Variants in FAM149A observed in about 807,000 individuals in gnomAD.
FAM149A encodes the protein family with sequence similarity 149 member A, also known as protein FAM149A.
A neutral mutation model predicts 78.2 loss-of-function variants in FAM149A; 71 were observed. The observed-to-expected ratio is 0.91, with a 90% CI of 0.75 to 1.11. FAM149A has a LOEUF of 1.11. Among genes scored for constraint, FAM149A ranks in the 50% least tolerant of loss-of-function variants. FAM149A has a pLI of 0.00. For missense variants in FAM149A, 1,036 were observed against 971.0 expected, an observed-to-expected ratio of 1.07 and a Z score of -0.89; for synonymous variants, 446 against 410.5, an observed-to-expected ratio of 1.09 and a Z score of -1.04.
intron 1 of FAM149A, chr4:186,109,900 G>T: frequency 5.1e-6 from 5 of 985,260 alleles, no homozygotes; most frequent in Non-Finnish European, 6.0e-6. Flanking sequence ...GAAGATAAGG[G>T]TTAGTTTAAT....
intron 11 of FAM149A, 62 bp downstream of exon 11, chr4:186,165,526 A>G: frequency 6.4e-7 from 1 of 1,573,994 alleles, no homozygotes; most frequent in Non-Finnish European, 8.7e-7. Flanking sequence ...AAACAAACAA[A>G]AACAACCTTG....
Position 186,152,515 on chromosome 4 carries a change from A to T in FAM149A, c.932+470A>T, listed in dbSNP as rs917943026. ...GATGGAGAATATGGATTGGGTATGA[A>T]GGCAAGCTTTTCTTTTCTTTTTGCT... is the stretch of plus-strand genomic sequence containing the variant. On this transcript the variant is annotated intron_variant, in intron 4 of 13. Transcript: ENST00000389354. Among the ~76,000 whole-genome samples the T allele has an allele frequency of 5.3e-5, 8 of 149,976 alleles. 1 individual carries two copies. Among genetic ancestry groups the T allele is most frequent in the Admixed American group, 3.3e-4 (5 of 15,066 alleles).
chr4:186,160,201 ACACACACACCACTCAC>A (rs1256882050), intron 8 of FAM149A, among the ~76,000 whole-genome samples: 1,354 of 129,174 alleles, frequency 0.01, 22 homozygotes, highest in African/African-American at 0.027. Context: ...TACACACACT[ACACACACACCACTCAC>A]CACACACACC....
chr4:186,125,411 G>A, intron 1 of FAM149A: 2 of 871,058 alleles, frequency 2.3e-6, no homozygotes, highest in Non-Finnish European at 2.8e-6. Flanking sequence ...GCCCTAGGCA[G>A]CCCCACAAAC....
chr4:186,163,364 G>A, intron 9 of FAM149A, 60 bp from the exon 10 acceptor site: 7 of 1,380,244 alleles, frequency 5.1e-6, no homozygotes, highest in Admixed American at 1.7e-5. Flanking sequence ...AGCACAGACA[G>A]GTGCGTTCCC....
At chr4:186,137,517 T>C (rs2099323965) in intron 1 of FAM149A, among the ~76,000 whole-genome samples, 1 of 152,136 alleles carries the variant, frequency 6.6e-6, no homozygotes, top group Non-Finnish European at 1.5e-5. Flanking sequence ...CCCTATCTAT[T>C]CTGGAATGAA....
chr4:186,173,998 C>A lies in FAM149A; in HGVS notation c.*2011C>A, dbSNP rs568903002. On this transcript the variant is annotated 3_prime_UTR_variant, in exon 14 of 14. Transcript: ENST00000389354. Reference sequence around the variant, plus strand: ...TGCATCATTACTGCTCAAAGCATGACCCACTTGCTCTTTCAGATCCACTCA... The same window carrying A: ...TGCATCATTACTGCTCAAAGCATGAACCACTTGCTCTTTCAGATCCACTCA... 1.8e-5 allele frequency among the ~76,000 whole-genome samples: 2 copies of A among 110,136 alleles called. No individual in the cohort carries two copies. The highest frequency in any genetic ancestry group is 5.7e-5 in the African/African-American group (2 of 35,118). The allele number at this position is 110,136 out of a possible 152,430, so 72.3% of individuals were successfully genotyped here.
rs139049324 is a variant in FAM149A, at chr4:186,129,773, C to A, written c.567-19400C>A. ...ACGACTCTGTATTGTTTACCAGACA[C>A]CAGTTAAATAGAAGAAGAAAGAAAT... On this transcript the variant is annotated intron_variant, in intron 1 of 13. Transcript: ENST00000389354. 3.8e-3 allele frequency among the ~76,000 whole-genome samples: 582 copies of A among 152,262 alleles called. 9 individuals are homozygous for A. Among genetic ancestry groups the A allele is most frequent in the African/African-American group, 0.013 (559 of 41,548 alleles).
rs761474793 is a variant in FAM149A at position 186,165,403 on chromosome 4, C to G, written c.1949C>G (p.Pro650Arg). 73 of 1,613,928 alleles carry G rather than the reference C, an allele frequency of 4.5e-5. No individual in the cohort carries two copies. In the East Asian group the frequency reaches 1.6e-3, roughly 35 times the overall value. Residue 650 changes from proline (P) to arginine (R), a missense_variant, in exon 11 of 14, where the codon CCC (proline) becomes CGC (arginine). Transcript: ENST00000389354. ...GTTCAAACGTCACGGAGCAGGTTCC[C>G]CCCGCTAGTCACGGAGACCAGGGGG... is the stretch of plus-strand genomic sequence containing the variant.
chr4:186,121,677 G>A (rs147858810), intron 1 of FAM149A, among the ~76,000 whole-genome samples: 2 of 152,196 alleles, frequency 1.3e-5, no homozygotes, highest in South Asian at 2.1e-4. Flanking sequence ...CCTGACAGCC[G>A]CTGCACACGT....
chr4:186,128,778 T>G (rs904294005), intron 1 of FAM149A, among the ~76,000 whole-genome samples: 13 of 152,196 alleles, frequency 8.5e-5, no homozygotes, highest in Non-Finnish European at 1.8e-4. Context: ...TAGCATTGTA[T>G]GTCTGTGTGT....
rs773766473 is a variant in FAM149A, at chr4:186,166,992, C to T, written c.2035C>T (p.Arg679Cys). ...GTACAGAGGAAGGCATCTACAAAAC[C>T]GTGTGTTGAGTGCCATGCCTGACGG... is the stretch of plus-strand genomic sequence containing the variant. Residue 679 changes from arginine (R) to cysteine (C), a missense_variant, in exon 12 of 14, where the codon CGT becomes TGT. Arg to Cys is a radical substitution (Grantham distance 180). This residue lies in a region of FAM149A where 716 missense variants were observed against 711.8 expected (regional missense o/e 1.01). Coordinates refer to ENST00000389354, the MANE Select transcript of FAM149A (RefSeq NM_001367768.3). 9.9e-6 allele frequency: 16 copies of T among 1,613,896 alleles called. No individual in the cohort carries two copies. The Admixed American group carries it at 1.5e-4, about 15-fold the overall frequency.
chr4:186,158,479 C>T, intron 8 of FAM149A: 1 of 1,105,360 alleles, frequency 9.0e-7, no homozygotes, highest in Non-Finnish European at 1.1e-6. Context: ...CACGCCTGAC[C>T]TCTGCTTCTG....
In FAM149A at chr4:186,144,937, GCGGGC is replaced by G; in HGVS notation, c.567-4235_567-4231del. The G allele has an allele frequency of 2.0e-5, 5 of 249,304 alleles. No homozygotes were observed. Among genetic ancestry groups the G allele is most frequent in the Non-Finnish European group, 2.3e-5 (5 of 219,036 alleles). 15.4% of individuals were successfully genotyped at this position (249,304 alleles called of 1,614,324 possible). A position where few individuals can be genotyped will look rare whatever the true frequency, so the allele number is the denominator to read the frequency against. ...GGCCAGCCGCGCGGCGGGCGCGGGC[GCGGGC>G]GCGGGCGCGGGCGCGGGCGGGTGGG... On this transcript the variant is annotated intron_variant, in intron 1 of 13. Coordinates refer to ENST00000389354, the MANE Select transcript of FAM149A (RefSeq NM_001367768.3). This position sits in a 1 kb window ranked among gnomAD's most constrained non-coding sequence, Gnocchi z 4.2.
intron 1 of FAM149A, chr4:186,125,619 T>G: frequency 1.3e-6 from 1 of 784,200 alleles, no homozygotes; most frequent in Non-Finnish European, 1.5e-6. Flanking sequence ...AGCACAGGCT[T>G]GTTGTCAGGT....
intron 1 of FAM149A, among the ~76,000 whole-genome samples, chr4:186,136,936 A>ATCTCTCTCTCTCTC (rs142934788): frequency 3.4e-5 from 3 of 88,160 alleles, no homozygotes; most frequent in African/African-American, 1.5e-4. Context: ...ACACTGATTG[A>ATCTCTCTCTCTCTC]TCTCTCTCTC....
intron 1 of FAM149A, among the ~76,000 whole-genome samples, chr4:186,136,908 T>C (rs1030224458): frequency 6.0e-5 from 9 of 149,822 alleles, no homozygotes; most frequent in African/African-American, 2.2e-4. Flanking sequence ...CTTCGAAGAA[T>C]GATTGTGAAG....
At chr4:186,126,508 C>T (rs1447424646) in intron 1 of FAM149A, among the ~76,000 whole-genome samples, 1 of 152,142 alleles carries the variant, frequency 6.6e-6, no homozygotes, top group African/African-American at 2.4e-5. Flanking sequence ...CCAAATAGAA[C>T]AAAAAGGCAG....
intron 1 of FAM149A, among the ~76,000 whole-genome samples, chr4:186,124,566 A>T (rs2099317495): frequency 2.0e-5 from 3 of 152,002 alleles, no homozygotes; most frequent in Non-Finnish European, 4.4e-5. Flanking sequence ...TTTCAGCGTC[A>T]TCCATGTCCC....
Sources: gnomAD v4.1 joint callset for allele counts (sites outside exome capture counted in the v4.1 genomes callset) on GRCh38, gnomAD v4.1.1 for gene constraint, gnomAD v4.1.1 regional missense constraint, Gnocchi (gnomAD v3.1) non-coding constraint, MANE v1.5 for transcripts, NCBI Gene and HGNC (gene_info 2026-07-23, HGNC 2026-07-21) for gene names.